The following CLUL1 variants were observed in gnomAD, a reference collection of about 807,000 sequenced individuals.
The protein encoded by CLUL1 is clusterin like 1, also known as clusterin-like protein 1.
Under a neutral mutation model 49.4 loss-of-function variants are expected in CLUL1, and 43 were observed. The ratio of observed to expected loss-of-function variants is 0.87; its 90% CI spans 0.68 to 1.12. The LOEUF (loss-of-function observed/expected upper bound fraction) is 1.12. CLUL1 is among the 50% of genes most tolerant of loss of function. The probability of loss-of-function intolerance (pLI) is 0.00; values close to 1 mark genes in which losing one functional copy is unlikely to be tolerated. For synonymous variants in CLUL1, 192 were observed against 184.9 expected, an observed-to-expected ratio of 1.04 and a Z score of -0.31; for missense variants, 486 against 544.4, an observed-to-expected ratio of 0.89 and a Z score of 1.07.
At chr18:621,277 G>C (rs1208555997) in intron 4 of CLUL1, among the ~76,000 whole-genome samples, 1 of 151,944 alleles carries the variant, frequency 6.6e-6, no homozygotes, top group African/African-American at 2.4e-5. Flanking sequence ...CCAGATTGCT[G>C]CTTACATCTT....
At chr18:597,493 A>AG (rs965811020) in intron 1 of CLUL1, among the ~76,000 whole-genome samples, 1 of 152,092 alleles carries the variant, frequency 6.6e-6, no homozygotes, top group Admixed American at 6.5e-5. Flanking sequence ...TGGGAGGCCG[A>AG]GGGGGGCCGA....
intron 7 of CLUL1, among the ~76,000 whole-genome samples, chr18:639,004 C>T (rs2144157533): frequency 6.6e-6 from 1 of 152,298 alleles, no homozygotes; most frequent in East Asian, 1.9e-4. Context: ...TTAATTATTT[C>T]CTTGCATTTC....
chr18:630,425 TAGAG>T lies in CLUL1; in HGVS notation c.857-2868_857-2865del, dbSNP rs370096180. Among the ~76,000 whole-genome samples the T allele has an allele frequency of 3.0e-4, 46 of 152,062 alleles. No individual in the cohort carries two copies. In the East Asian group the frequency reaches 6.0e-3, roughly 20 times the overall value. ...TGCCCGGCCTCAACTGATTTTAAAATAGAGAGAGTATGCTGGATTATCCAGATGG... is the reference window on the plus strand; with the variant it reads ...TGCCCGGCCTCAACTGATTTTAAAATAGAGTATGCTGGATTATCCAGATGG... On this transcript the variant is annotated intron_variant, in intron 6 of 9. Transcript: ENST00000692774.
intron 8 of CLUL1, among the ~76,000 whole-genome samples, chr18:643,241 CAT>C (rs780077142): frequency 1.3e-5 from 2 of 152,062 alleles, no homozygotes; most frequent in Admixed American, 6.5e-5. Context: ...TGTGTGTAAA[CAT>C]ATATACACAT....
chr18:619,098 T>C, intron 3 of CLUL1, 115 bp from the exon 4 acceptor site: 1 of 974,736 alleles, frequency 1.0e-6, no homozygotes, highest in Non-Finnish European at 1.5e-6. Context: ...GCTTTCAGAA[T>C]ATGAGCCTAT....
At chr18:645,754 A>C (rs1281780550) in intron 9 of CLUL1, among the ~76,000 whole-genome samples, 5 of 129,782 alleles carry the variant, frequency 3.9e-5, no homozygotes, top group East Asian at 2.4e-4. Context: ...AGATCGCGCC[A>C]CTGCACTCCA....
At chr18:637,547 C>T (rs1479712879) in intron 7 of CLUL1, among the ~76,000 whole-genome samples, 1 of 152,148 alleles carries the variant, frequency 6.6e-6, no homozygotes, top group East Asian at 1.9e-4. Flanking sequence ...TCTACCCCAC[C>T]TTAGAATGTA....
chr18:627,627 G>C, intron 6 of CLUL1, 98 bp downstream of exon 6: 1 of 861,786 alleles, frequency 1.2e-6, no homozygotes. Flanking sequence ...ACATTGTATA[G>C]CATTTCTTGA....
At chr18:644,527 C>G (rs2342700) in intron 8 of CLUL1, among the ~76,000 whole-genome samples, 64,986 of 152,066 alleles carry the variant, frequency 0.43, 14,899 homozygotes, top group East Asian at 0.69. Flanking sequence ...TTAAACGTTG[C>G]CATGTGGCAA....
chr18:608,557 A>G (rs2073045979), intron 2 of CLUL1, among the ~76,000 whole-genome samples: 2 of 152,240 alleles, frequency 1.3e-5, no homozygotes, highest in African/African-American at 2.4e-5. Context: ...GTGGTTCAAT[A>G]TTAAAGCTTT....
chr18:598,428 T>G (rs1348251547), intron 1 of CLUL1: 1 of 397,112 alleles, frequency 2.5e-6, no homozygotes, highest in African/African-American at 2.1e-5. Context: ...TTTGTGAGTC[T>G]TCCTTCTTTC....
At position 627,420 on chromosome 18, in the gene CLUL1, C is replaced by T. The variant is rs780833495; in HGVS notation, c.747C>T (p.Pro249=). 1.9e-5 allele frequency: 31 copies of T among 1,613,904 alleles called. No individual in the cohort carries two copies. The highest frequency in any genetic ancestry group is 2.6e-5 in the Non-Finnish European group (31 of 1,179,916). Residue 249 remains proline, a synonymous_variant, in exon 6 of 10, where the codon CCC becomes CCT. Coordinates refer to ENST00000692774, the MANE Select transcript of CLUL1 (RefSeq NM_001393344.1). The part of the protein sequence containing the change: ...KADLEQCWDI[P]NFFQLFCNFS... ...ATCTTGAGCAATGTTGGGACATTCC[C>T]AACTTCTTCCAGCTGTTTTGTAATT...
intron 2 of CLUL1, among the ~76,000 whole-genome samples, chr18:610,271 G>A (rs1006125709): frequency 2.6e-5 from 4 of 152,092 alleles, no homozygotes; most frequent in East Asian, 1.9e-4. Flanking sequence ...AAAATAAAGC[G>A]CGGCACTTCG....
intron 9 of CLUL1, among the ~76,000 whole-genome samples, chr18:645,834 T>A (rs184270793): frequency 0.076 from 6,777 of 89,418 alleles, 1,048 homozygotes; most frequent in East Asian, 0.14. Flanking sequence ...TATATATATA[T>A]ATATATATAT....
Position 619,299 on chromosome 18 carries a change from A to G in CLUL1, c.193A>G (p.Arg65Gly). ...TAAGCAAATGAAAATCATGATGGAA[A>G]GAAAAGAGAAGGAACACACCAATCT... ...GIKQMKIMME[R>G]KEKEHTNLMS... The change falls in exon 4 of 10, where the codon AGA becomes GGA. Residue 65 changes from arginine to glycine, a missense_variant. Coordinates refer to ENST00000692774, the MANE Select transcript of CLUL1 (RefSeq NM_001393344.1). The G allele has an allele frequency of 6.2e-7, 1 of 1,614,158 alleles. No individual in the cohort carries two copies. Among genetic ancestry groups the G allele is most frequent in the Non-Finnish European group, 8.5e-7 (1 of 1,179,990 alleles).
intron 7 of CLUL1, among the ~76,000 whole-genome samples, chr18:639,800 G>T (rs971753582): frequency 2.6e-5 from 4 of 151,514 alleles, no homozygotes; most frequent in African/African-American, 9.7e-5. Flanking sequence ...AAAAGAAAAA[G>T]AAAAAAGAAA....
At chr18:640,283 G>A (rs2074304381) in intron 7 of CLUL1, among the ~76,000 whole-genome samples, 1 of 151,906 alleles carries the variant, frequency 6.6e-6, no homozygotes, top group African/African-American at 2.4e-5. Context: ...GGTGGTGTGA[G>A]CCTGTAGTCC....
chr18:642,590 C>T (rs942170069), intron 8 of CLUL1, among the ~76,000 whole-genome samples: 2 of 152,166 alleles, frequency 1.3e-5, no homozygotes, highest in African/African-American at 2.4e-5. Context: ...ACAAATGCGC[C>T]AGGCTAGTGA....
Position 636,624 on chromosome 18 carries a change from C to CTTTT in CLUL1, c.994+3205_994+3208dup, listed in dbSNP as rs68150473. Among the ~76,000 whole-genome samples, 619 of 122,022 alleles carry CTTTT rather than the reference C, an allele frequency of 5.1e-3. 5 individuals are homozygous for CTTTT. The highest frequency in any genetic ancestry group is 6.5e-3 in the Non-Finnish European group (392 of 60,192). The allele number at this position is 122,022 out of a possible 152,430, so 80.1% of individuals were successfully genotyped here. A position where few individuals can be genotyped will look rare whatever the true frequency, so the allele number is the denominator to read the frequency against. On this transcript the variant is annotated intron_variant, in intron 7 of 9. Coordinates refer to ENST00000692774, the MANE Select transcript of CLUL1 (RefSeq NM_001393344.1). ...AGAGTCGACAACACTCCCTTTCTCT[C>CTTTT]TTTTTTTTTTTTTTTTTTTGTGCCA...
Sources: allele counts gnomAD v4.1 joint callset (sites outside exome capture counted in the v4.1 genomes callset), GRCh38; gene constraint gnomAD v4.1.1; transcripts MANE v1.5; gene names NCBI Gene and HGNC (gene_info 2026-07-23, HGNC 2026-07-21).